The following CEP112 variants were observed in gnomAD, a reference collection of about 807,000 sequenced individuals.
The protein encoded by CEP112 is centrosomal protein 112, also known as centrosomal protein of 112 kDa.
CEP112 carries 127 observed loss-of-function variants against 153.0 expected under a neutral mutation model. The observed-to-expected ratio is 0.83, with a 90% CI of 0.72 to 0.96. CEP112 has a LOEUF of 0.96. Ranked by LOEUF, CEP112 falls within the 40% of genes least tolerant of loss-of-function variation. The pLI, the probability that CEP112 is intolerant of heterozygous loss-of-function variation, is 0.00. For synonymous variants in CEP112, 358 were observed against 374.4 expected (o/e 0.96, Z 0.51); for missense variants, 1,089 against 1,101.2 (o/e 0.99, Z 0.16).
chr17:65,826,513 CTGCCTGGCTCAG>C, intron 21 of CEP112: 1 of 1,392,954 alleles, frequency 7.2e-7, no homozygotes, highest in Non-Finnish European at 9.3e-7. Flanking sequence ...CACAACCACA[CTGCCTGGCTCAG>C]TTCCTGATGT....
In CEP112 at chr17:66,054,191, GT is replaced by G. The variant is rs143932792; in HGVS notation, c.1075-313del. Among the ~76,000 whole-genome samples the G allele has an allele frequency of 7.5e-3, 1,142 of 152,224 alleles. 14 individuals carry two copies. Among genetic ancestry groups the G allele is most frequent in the African/African-American group, 0.026 (1,078 of 41,536 alleles). On this transcript the variant is annotated intron_variant, in intron 11 of 26. Transcript: ENST00000535342. Reference sequence around the variant, plus strand: ...CAGATAATACAAGTGAACATTACTAGTATTAGTCTGAAATGAGAAAACAGAA... The same window carrying G: ...CAGATAATACAAGTGAACATTACTAGATTAGTCTGAAATGAGAAAACAGAA...
intron 21 of CEP112, among the ~76,000 whole-genome samples, chr17:65,829,800 CAACTT>C (rs2057004688): frequency 6.6e-6 from 1 of 152,038 alleles, no homozygotes; most frequent in Non-Finnish European, 1.5e-5. Flanking sequence ...AAAAAGTACT[CAACTT>C]AGCATGAAAG....
At chr17:65,690,109 A>C (rs1170280829) in intron 23 of CEP112, among the ~76,000 whole-genome samples, 1 of 138,226 alleles carries the variant, frequency 7.2e-6, no homozygotes, top group African/African-American at 2.7e-5. Context: ...GAAAGAAAAC[A>C]GACCAAAAAA....
intron 4 of CEP112, among the ~76,000 whole-genome samples, chr17:66,172,314 AAC>A (rs2072278791): frequency 6.6e-6 from 1 of 152,194 alleles, no homozygotes; most frequent in South Asian, 2.1e-4. Context: ...GCAGCAAAGA[AAC>A]ACAGAGTACT....
chr17:65,762,889 T>C (rs1390501693), intron 21 of CEP112, among the ~76,000 whole-genome samples: 7 of 152,186 alleles, frequency 4.6e-5, no homozygotes, highest in Non-Finnish European at 1.0e-4. Flanking sequence ...TAATTTTATC[T>C]TCACTTATTC....
chr17:65,890,828 C>T (rs1291963825), intron 20 of CEP112, among the ~76,000 whole-genome samples: 1 of 152,228 alleles, frequency 6.6e-6, no homozygotes, highest in East Asian at 1.9e-4. Context: ...GCAAAGGGTG[C>T]CTTCATAACA....
intron 6 of CEP112, among the ~76,000 whole-genome samples, chr17:66,128,465 T>A (rs2069966676): frequency 6.6e-6 from 1 of 152,142 alleles, no homozygotes; most frequent in Admixed American, 6.5e-5. Flanking sequence ...AGACCATTAT[T>A]AGTAGGAAGT....
intron 4 of CEP112, among the ~76,000 whole-genome samples, chr17:66,135,501 A>G (rs1888534269): frequency 6.6e-6 from 1 of 152,130 alleles, no homozygotes; most frequent in Non-Finnish European, 1.5e-5. Context: ...GCTTATAAGC[A>G]CAACCTACAA....
At chr17:65,774,328 GA>G (rs1187890806) in intron 21 of CEP112, among the ~76,000 whole-genome samples, 1 of 152,116 alleles carries the variant, frequency 6.6e-6, no homozygotes, top group East Asian at 1.9e-4. Flanking sequence ...GGGAGATGGG[GA>G]AACAATAGAA....
At chr17:66,005,894 A>C in intron 16 of CEP112, 125 bp from the exon 17 acceptor site, 2 of 826,268 alleles carry the variant, frequency 2.4e-6, no homozygotes, top group Non-Finnish European at 3.5e-6. Context: ...TAGATATTTC[A>C]AGATAGAAAC....
intron 21 of CEP112, among the ~76,000 whole-genome samples, chr17:65,825,452 G>A (rs918256489): frequency 3.9e-5 from 6 of 152,106 alleles, no homozygotes; most frequent in African/African-American, 9.7e-5. Flanking sequence ...AGACAGGTAC[G>A]GGTCTGCAGC....
chr17:66,033,546 T>C (rs1199324045), intron 12 of CEP112, among the ~76,000 whole-genome samples: 16 of 152,160 alleles, frequency 1.1e-4, no homozygotes, highest in Admixed American at 1.0e-3. Context: ...CAAGCTAGCC[T>C]CAAAGCCTTT....
intron 20 of CEP112, among the ~76,000 whole-genome samples, chr17:65,864,505 G>A (rs1054636284): frequency 3.3e-5 from 5 of 152,144 alleles, no homozygotes; most frequent in Admixed American, 2.6e-4. Context: ...CACCTTCCTC[G>A]ACATTCTTCA....
intron 1 of CEP112, among the ~76,000 whole-genome samples, chr17:66,186,647 G>A (rs563271978): frequency 6.6e-5 from 10 of 152,050 alleles, no homozygotes; most frequent in Non-Finnish European, 1.5e-4. Context: ...TTTCTACTTG[G>A]CAAGGCTGCA....
At chr17:65,935,566 G>A (rs2061278707) in intron 18 of CEP112, among the ~76,000 whole-genome samples, 1 of 152,094 alleles carries the variant, frequency 6.6e-6, no homozygotes, top group Admixed American at 6.6e-5. Flanking sequence ...AATATAAAGT[G>A]TCTTTTTCAA....
intron 19 of CEP112, among the ~76,000 whole-genome samples, chr17:65,908,747 C>T (rs1488279480): frequency 2.0e-5 from 3 of 151,642 alleles, no homozygotes; most frequent in Non-Finnish European, 4.4e-5. Flanking sequence ...CTCCACAACA[C>T]ATGCAGAACT....
chr17:65,762,203 T>C (rs1030575226), intron 21 of CEP112, among the ~76,000 whole-genome samples: 1 of 151,998 alleles, frequency 6.6e-6, no homozygotes, highest in African/African-American at 2.4e-5. Flanking sequence ...TCCCTGATAA[T>C]TTTTTGTCCT....
At chr17:65,643,832 C>G (rs866440455) in intron 24 of CEP112, among the ~76,000 whole-genome samples, 39 of 152,322 alleles carry the variant, frequency 2.6e-4, no homozygotes, top group African/African-American at 8.9e-4. Flanking sequence ...GGTTTGAATT[C>G]TTGATGTAAG....
At chr17:65,986,995 T>C (rs1007133942) in intron 17 of CEP112, among the ~76,000 whole-genome samples, 1 of 152,118 alleles carries the variant, frequency 6.6e-6, no homozygotes, top group African/African-American at 2.4e-5. Flanking sequence ...AAAATCTCCC[T>C]TATTCATTAT....
Sources: gnomAD v4.1 joint callset for allele counts (sites outside exome capture counted in the v4.1 genomes callset) on GRCh38, gnomAD v4.1.1 for gene constraint, MANE v1.5 for transcripts, NCBI Gene and HGNC (gene_info 2026-07-23, HGNC 2026-07-21) for gene names.